Variants in SHISA9 observed in about 807,000 individuals in gnomAD.
The protein encoded by SHISA9 is protein shisa-9.
In SHISA9, 13 loss-of-function variants were observed where a neutral mutation model predicts 38.0. The ratio of observed to expected loss-of-function variants is 0.34; its 90% CI spans 0.22 to 0.54. The LOEUF (loss-of-function observed/expected upper bound fraction) is 0.54, where lower values mean the gene tolerates loss of function less well. Among genes scored for constraint, SHISA9 ranks in the 20% least tolerant of loss-of-function variants. The probability of loss-of-function intolerance (pLI) is 0.91; values close to 1 mark genes in which losing one functional copy is unlikely to be tolerated. For missense variants in SHISA9, 538 were observed against 575.8 expected (o/e 0.93, Z 0.67); for synonymous variants, 275 against 242.0 (o/e 1.14, Z -1.27).
At chr16:12,979,302 GTTT>G (rs768023707) in intron 2 of SHISA9, among the ~76,000 whole-genome samples, 1 of 143,206 alleles carries the variant, frequency 7.0e-6, no homozygotes, top group Non-Finnish European at 1.5e-5. Context: ...TGGTGCTGAA[GTTT>G]TTTTTTTTTT....
Position 12,987,194 on chromosome 16 carries a change from C to T in SHISA9, c.691+70379C>T, listed in dbSNP as rs970444434. 3.9e-5 allele frequency among the ~76,000 whole-genome samples: 6 copies of T among 152,176 alleles called. No individual in the cohort carries two copies. In the South Asian group the frequency reaches 6.2e-4, roughly 16 times the overall value. ...GTCTTTCATCCTTTGTGCCTCTGTC[C>T]GTAGATCTATACCAAGTTTGCAGTT... On this transcript the variant is annotated intron_variant, in intron 2 of 4. Coordinates refer to ENST00000558583, the MANE Select transcript of SHISA9 (RefSeq NM_001145204.3).
rs2051392326 is a variant in SHISA9 at position 13,237,089 on chromosome 16, A to G, written c.*1680A>G. 6.6e-6 allele frequency: 1 copy of G among 152,176 alleles called. No individual in the cohort carries two copies. Among genetic ancestry groups the G allele is most frequent in the African/African-American group, 2.4e-5 (1 of 41,438 alleles). The allele number at this position is 152,176 out of a possible 1,614,324, so 9.4% of individuals were successfully genotyped here. ...TTGGTAGTTAATTAACATTCAACAG[A>G]CCCACAGCAACTCTGGTGTCAGAAG... On this transcript the variant is annotated 3_prime_UTR_variant, in exon 5 of 5. Transcript: ENST00000558583.
At chr16:13,497,158 A>T in the SHISA9 span, among the ~76,000 whole-genome samples, 2 of 152,134 alleles carry the variant, frequency 1.3e-5, no homozygotes, top group African/African-American at 4.8e-5. Flanking sequence ...TTTATTTTTA[A>T]TTGACAAATA....
intron 1 of SHISA9, among the ~76,000 whole-genome samples, chr16:12,906,295 G>A (rs62029723): frequency 9.9e-5 from 15 of 152,088 alleles, no homozygotes; most frequent in African/African-American, 2.2e-4. Context: ...GTATGTTGTC[G>A]CACCCCCATT....
At chr16:12,908,434 TG>T in intron 1 of SHISA9, 1 of 1,549,496 alleles carries the variant, frequency 6.5e-7, no homozygotes, top group African/African-American at 1.4e-5. Context: ...CATAAGCTTA[TG>T]TGTAAATTCT....
intron 2 of SHISA9, among the ~76,000 whole-genome samples, chr16:13,170,641 A>G (rs1160186450): frequency 6.6e-6 from 1 of 152,058 alleles, no homozygotes; most frequent in African/African-American, 2.4e-5. Flanking sequence ...CTGAATTTCA[A>G]ATAAAAGTTT....
At chr16:13,545,332 CA>C in the SHISA9 span, among the ~76,000 whole-genome samples, 1 of 152,072 alleles carries the variant, frequency 6.6e-6, no homozygotes, top group Non-Finnish European at 1.5e-5. Flanking sequence ...TAAACAAGAT[CA>C]AAAAAAGCAG....
chr16:13,168,559 GTC>G (rs2050657967), intron 2 of SHISA9, among the ~76,000 whole-genome samples: 1 of 152,170 alleles, frequency 6.6e-6, no homozygotes, highest in Non-Finnish European at 1.5e-5. Flanking sequence ...GCAAAGCCTT[GTC>G]TCTCTACTAC....
At chr16:13,246,700 A>C in the SHISA9 span, among the ~76,000 whole-genome samples, 1 of 152,134 alleles carries the variant, frequency 6.6e-6, no homozygotes, top group South Asian at 2.1e-4. Context: ...CACCATTTCC[A>C]CCACCAACTG....
At chr16:13,496,011 A>G in the SHISA9 span, among the ~76,000 whole-genome samples, 9 of 152,238 alleles carry the variant, frequency 5.9e-5, no homozygotes, top group Admixed American at 5.9e-4. Context: ...AAAAGCAATA[A>G]TCACAGAGAC....
At chr16:13,242,468 C>T, downstream of SHISA9, among the ~76,000 whole-genome samples, 1 of 152,148 alleles carries the variant, frequency 6.6e-6, no homozygotes, top group East Asian at 1.9e-4. Context: ...GGGATCATCC[C>T]AAGGACTATG....
At chr16:13,131,198 G>C (rs997174600) in intron 2 of SHISA9, among the ~76,000 whole-genome samples, 5 of 152,048 alleles carry the variant, frequency 3.3e-5, no homozygotes, top group African/African-American at 1.2e-4. Context: ...CAATAACAAA[G>C]ACATGGAATT....
the SHISA9 span, among the ~76,000 whole-genome samples, chr16:13,551,347 C>T: frequency 6.6e-6 from 1 of 152,184 alleles, no homozygotes; most frequent in Non-Finnish European, 1.5e-5. Context: ...CACATGCACA[C>T]ACACCTATAA....
chr16:13,028,370 G>A (rs907107268), intron 2 of SHISA9, among the ~76,000 whole-genome samples: 1 of 152,064 alleles, frequency 6.6e-6, no homozygotes, highest in Non-Finnish European at 1.5e-5. Context: ...ACCGAGACTG[G>A]GCAATTTATA....
chr16:12,991,474 C>A (rs571845668), intron 2 of SHISA9, among the ~76,000 whole-genome samples: 2 of 152,222 alleles, frequency 1.3e-5, no homozygotes, highest in Admixed American at 1.3e-4. Flanking sequence ...ACAAACGTCC[C>A]ATTTTACTGA....
intron 1 of SHISA9, among the ~76,000 whole-genome samples, chr16:12,903,621 C>G (rs969241967): frequency 6.6e-6 from 1 of 152,136 alleles, no homozygotes; most frequent in Admixed American, 6.5e-5. Flanking sequence ...GCGGGAGAGG[C>G]TGGGGGTTGG....
intron 2 of SHISA9, among the ~76,000 whole-genome samples, chr16:13,025,889 TCCACCTCC>T (rs1164470689): frequency 6.6e-6 from 1 of 152,148 alleles, no homozygotes; most frequent in Non-Finnish European, 1.5e-5. Context: ...CACTGCAACC[TCCACCTCC>T]CAGGTTCAAG....
At chr16:13,037,225 C>G (rs559694563) in intron 2 of SHISA9, among the ~76,000 whole-genome samples, 1 of 152,006 alleles carries the variant, frequency 6.6e-6, no homozygotes, top group Non-Finnish European at 1.5e-5. Flanking sequence ...GTTTTGCTCC[C>G]AGGGCGTTTG....
At chr16:13,382,546 AAAAG>A in the SHISA9 span, among the ~76,000 whole-genome samples, 17 of 149,596 alleles carry the variant, frequency 1.1e-4, no homozygotes, top group Admixed American at 5.3e-4. Flanking sequence ...AAAAAAAAAA[AAAAG>A]AAAGAAAAGA....
Sources: gnomAD v4.1 joint callset for allele counts (sites outside exome capture counted in the v4.1 genomes callset) on GRCh38, gnomAD v4.1.1 for gene constraint, MANE v1.5 for transcripts, NCBI Gene and HGNC (gene_info 2026-07-23, HGNC 2026-07-21) for gene names.